The following SHCBP1L variants were observed in gnomAD, a reference collection of about 807,000 sequenced individuals.
SHCBP1L encodes testicular spindle-associated protein SHCBP1L.
In SHCBP1L, 67 loss-of-function variants were observed where a neutral mutation model predicts 62.5. The observed-to-expected ratio is 1.07, with a 90% CI of 0.88 to 1.31. The LOEUF is 1.31. Among genes scored for constraint, SHCBP1L ranks in the 40% most tolerant of loss-of-function variants. The probability of loss-of-function intolerance (pLI) is 0.00; values close to 1 mark genes in which losing one functional copy is unlikely to be tolerated. For synonymous variants in SHCBP1L, 284 were observed against 289.4 expected (o/e 0.98, Z 0.19); for missense variants, 823 against 809.8 (o/e 1.02, Z -0.20).
At chr1:182,935,403 A>C (rs185467917) in intron 5 of SHCBP1L, among the ~76,000 whole-genome samples, 13 of 152,274 alleles carry the variant, frequency 8.5e-5, no homozygotes, top group Admixed American at 8.5e-4. Context: ...TAAGTATTTC[A>C]CATTTTTGGT....
In SHCBP1L at chr1:182,934,110, T is replaced by C. The variant is rs530289156; in HGVS notation, c.1077-4358A>G. Among the ~76,000 whole-genome samples the C allele has an allele frequency of 1.6e-4, 25 of 152,316 alleles. 2 individuals are homozygous for C. The South Asian group carries it at 5.2e-3, about 32-fold the overall frequency. ...CATTTATTCTTGGTTATCTAATTTG[T>C]TGGCTTATTTATACTATTCCTTTGT... On this transcript the variant is annotated intron_variant, in intron 5 of 9. Coordinates refer to ENST00000367547, the MANE Select transcript of SHCBP1L (RefSeq NM_030933.4).
Position 182,952,732 on chromosome 1 carries a change from A to G in SHCBP1L, c.402T>C (p.Cys134=). 3 of 1,604,820 alleles carry G rather than the reference A, an allele frequency of 1.9e-6. No homozygotes were observed. The highest frequency in any genetic ancestry group is 2.6e-6 in the Non-Finnish European group (3 of 1,176,248). Reference sequence around the variant, plus strand: ...TTCCTGTCCCGGATCCGCTCACCTTACAGTCCTGCAGCACTTCGTCGCAAT... The same window carrying G: ...TTCCTGTCCCGGATCCGCTCACCTTGCAGTCCTGCAGCACTTCGTCGCAAT... ...SLYCDEVLQD[C]KAEDADEVMG... Residue 134 remains cysteine, a synonymous_variant, in exon 1 of 10, where the codon TGT becomes TGC. Coordinates refer to ENST00000367547, the MANE Select transcript of SHCBP1L (RefSeq NM_030933.4).
At chr1:182,919,562 T>G (rs541877902) in intron 6 of SHCBP1L, among the ~76,000 whole-genome samples, 1 of 152,234 alleles carries the variant, frequency 6.6e-6, no homozygotes, top group South Asian at 2.1e-4. Context: ...CCAAAGCAGC[T>G]GAATTTCCTC....
At chr1:182,927,447 C>A (rs533799365) in intron 6 of SHCBP1L, among the ~76,000 whole-genome samples, 21 of 151,990 alleles carry the variant, frequency 1.4e-4, no homozygotes, top group Admixed American at 3.9e-4. Flanking sequence ...CTGAGGAGGG[C>A]GGATCACGAG....
rs766549799 is a variant in SHCBP1L at position 182,952,716 on chromosome 1, C to G, written c.405+13G>C. 3.1e-5 allele frequency: 50 copies of G among 1,591,818 alleles called. No homozygotes were observed. Among genetic ancestry groups the G allele is most frequent in the Non-Finnish European group, 4.1e-5 (48 of 1,168,754 alleles). Reference sequence around the variant, plus strand: ...GCTTCCGACCGTAGTCTTCCTGTCCCGGATCCGCTCACCTTACAGTCCTGC... The same window carrying G: ...GCTTCCGACCGTAGTCTTCCTGTCCGGGATCCGCTCACCTTACAGTCCTGC... On this transcript the variant is annotated intron_variant, in intron 1 of 9. Transcript: ENST00000367547.
chr1:182,947,398 T>G lies in SHCBP1L; in HGVS notation c.555+3920A>C, dbSNP rs551674482. 8.5e-5 allele frequency among the ~76,000 whole-genome samples: 13 copies of G among 152,306 alleles called. No individual in the cohort carries two copies. The South Asian group carries it at 2.3e-3, about 27-fold the overall frequency. On this transcript the variant is annotated intron_variant, in intron 2 of 9. Transcript: ENST00000367547. Reference sequence around the variant, plus strand: ...CCAGAAATAAAGTGCTAGTTTAAAGTTCTTGATATATTTTGCTAAACTGCT... The same window carrying G: ...CCAGAAATAAAGTGCTAGTTTAAAGGTCTTGATATATTTTGCTAAACTGCT...
At chr1:182,901,144 A>G (rs765914003) in intron 9 of SHCBP1L, among the ~76,000 whole-genome samples, 1 of 152,188 alleles carries the variant, frequency 6.6e-6, no homozygotes, top group Non-Finnish European at 1.5e-5. Flanking sequence ...CCACATTCAG[A>G]TAGTAATAAG....
At chr1:182,911,347 A>G (rs189701278) in intron 6 of SHCBP1L, among the ~76,000 whole-genome samples, 1 of 152,370 alleles carries the variant, frequency 6.6e-6, no homozygotes, top group Non-Finnish European at 1.5e-5. Context: ...ATACAGCTGC[A>G]GTCATAAACA....
At chr1:182,914,450 T>A (rs553289301) in intron 6 of SHCBP1L, among the ~76,000 whole-genome samples, 1 of 152,154 alleles carries the variant, frequency 6.6e-6, no homozygotes, top group Non-Finnish European at 1.5e-5. Flanking sequence ...TGTAAATCCA[T>A]GCTAATGGGG....
intron 2 of SHCBP1L, chr1:182,944,232 C>G (rs1651476682): frequency 6.6e-6 from 1 of 152,156 alleles, no homozygotes; most frequent in African/African-American, 2.4e-5. Context: ...GTGCTGAAAC[C>G]CTGTCTCTAC....
intron 6 of SHCBP1L, among the ~76,000 whole-genome samples, chr1:182,913,868 C>G (rs1055812485): frequency 6.6e-6 from 1 of 152,152 alleles, no homozygotes; most frequent in African/African-American, 2.4e-5. Context: ...GTGATACCAG[C>G]TACTGGGGAG....
intron 6 of SHCBP1L, among the ~76,000 whole-genome samples, chr1:182,922,035 A>C (rs1306203644): frequency 6.6e-6 from 1 of 152,196 alleles, no homozygotes; most frequent in Non-Finnish European, 1.5e-5. Flanking sequence ...ACCAAGAATG[A>C]TTTTAAAAAG....
In SHCBP1L at chr1:182,939,363, C is replaced by T. The variant is rs1651280769; in HGVS notation, c.889G>A (p.Gly297Ser). 1 of 1,613,866 alleles carries T rather than the reference C, an allele frequency of 6.2e-7. No individual in the cohort carries two copies. Among genetic ancestry groups the T allele is most frequent in the Non-Finnish European group, 8.5e-7 (1 of 1,179,938 alleles). ...TTTTTAAAACGTTGTGCGATAGGAC[C>T]AGGTATTGTTCCATCCTGTATATCA... ...WCDIQDGTIP[G>S]PIAQRFKKTL... The change falls in exon 5 of 10, where the codon GGT becomes AGT. Residue 297 changes from glycine to serine, a missense_variant. Gly to Ser is a moderately conservative substitution (Grantham distance 56). Coordinates refer to ENST00000367547, the MANE Select transcript of SHCBP1L (RefSeq NM_030933.4).
At chr1:182,942,959 T>C (rs904030260) in intron 2 of SHCBP1L, among the ~76,000 whole-genome samples, 3 of 152,202 alleles carry the variant, frequency 2.0e-5, no homozygotes, top group South Asian at 4.1e-4. Context: ...AAAGCAGTTA[T>C]GGGACAGAAG....
rs1478384500 is a variant in SHCBP1L at position 182,900,066 on chromosome 1, C to T, written c.1879G>A (p.Val627Ile). Residue 627 changes from valine (V) to isoleucine (I), a missense_variant, in exon 10 of 10, where the codon GTA becomes ATA. Coordinates refer to ENST00000367547, the MANE Select transcript of SHCBP1L (RefSeq NM_030933.4). ...ATTTCCAGATTCAGATTTTGCATTA[C>T]TTTGAAGAGCATTTTATCATCTTTT... ...DKKDDKMLFK[V>I]MQNLNLEMNN... The T allele has an allele frequency of 6.8e-6, 11 of 1,612,972 alleles. No homozygotes were observed. The highest frequency in any genetic ancestry group is 2.2e-5 in the South Asian group (2 of 90,960).
rs560961390 is a variant in SHCBP1L, at chr1:182,916,585, T to A, written c.1183-10936A>T. On this transcript the variant is annotated intron_variant, in intron 6 of 9. Transcript: ENST00000367547. ...TCTATGATTATACTATCATTATATG[T>A]ACACCTATGAACAATTGTACACCAA... is the stretch of plus-strand genomic sequence containing the variant. Among the ~76,000 whole-genome samples the A allele has an allele frequency of 2.0e-5, 3 of 152,286 alleles. No individual in the cohort carries two copies. In the East Asian group the frequency reaches 5.8e-4, roughly 29 times the overall value.
intron 2 of SHCBP1L, chr1:182,942,449 C>A: frequency 1.5e-6 from 1 of 678,308 alleles, no homozygotes; most frequent in East Asian, 2.8e-5. Flanking sequence ...GGCCGTGGCG[C>A]GCCGAGAGCC....
At chr1:182,935,733 C>A (rs556203920) in intron 5 of SHCBP1L, among the ~76,000 whole-genome samples, 1 of 152,216 alleles carries the variant, frequency 6.6e-6, no homozygotes, top group African/African-American at 2.4e-5. Context: ...CCTGGAGAAC[C>A]AAACCCTTTA....
intron 6 of SHCBP1L, among the ~76,000 whole-genome samples, chr1:182,925,343 C>T (rs1398472161): frequency 6.6e-6 from 1 of 151,974 alleles, no homozygotes; most frequent in Non-Finnish European, 1.5e-5. Flanking sequence ...AACAAGAAGA[C>T]AAACAACCCA....
Sources: gnomAD v4.1 joint callset for allele counts (sites outside exome capture counted in the v4.1 genomes callset) on GRCh38, gnomAD v4.1.1 for gene constraint, MANE v1.5 for transcripts, NCBI Gene and HGNC (gene_info 2026-07-23, HGNC 2026-07-21) for gene names.